The following TRHDE variants were observed in gnomAD, a reference collection of about 807,000 sequenced individuals.
TRHDE encodes thyrotropin-releasing hormone-degrading ectoenzyme.
TRHDE carries 72 observed loss-of-function variants against 125.7 expected under a neutral mutation model. The observed-to-expected ratio is 0.57, with a 90% CI of 0.47 to 0.70. The LOEUF is 0.70. Among genes scored for constraint, TRHDE ranks in the 30% least tolerant of loss-of-function variants. TRHDE has a pLI of 0.00. For synonymous variants in TRHDE, 509 were observed against 509.1 expected (o/e 1.00, Z 0.00); for missense variants, 1,110 against 1,327.1 (o/e 0.84, Z 2.54).
chr12:72,221,450 T>C (rs1877998519), intron 2 of TRHDE, among the ~76,000 whole-genome samples: 1 of 152,018 alleles, frequency 6.6e-6, no homozygotes, highest in African/African-American at 2.4e-5. Flanking sequence ...ACCTTGAAAA[T>C]TGTTCTAAAA....
intron 3 of TRHDE, among the ~76,000 whole-genome samples, chr12:72,393,133 C>G (rs1481096937): frequency 3.3e-5 from 5 of 152,100 alleles, no homozygotes; most frequent in Non-Finnish European, 7.3e-5. Context: ...ATTTTACATT[C>G]TCACCCGAAG....
chr12:72,612,558 G>A (rs1565810004), intron 12 of TRHDE, among the ~76,000 whole-genome samples: 1 of 152,052 alleles, frequency 6.6e-6, no homozygotes, highest in East Asian at 1.9e-4. Flanking sequence ...CTTGGCAAGC[G>A]GCTTATTTTC....
intron 1 of TRHDE, among the ~76,000 whole-genome samples, chr12:72,094,390 G>T (rs959880374): frequency 2.0e-5 from 3 of 152,152 alleles, no homozygotes; most frequent in African/African-American, 7.2e-5. Context: ...TGCCTCTGGG[G>T]TTACTGATGA....
chr12:72,536,443 C>T (rs570536699), intron 6 of TRHDE, among the ~76,000 whole-genome samples: 1 of 152,248 alleles, frequency 6.6e-6, no homozygotes, highest in South Asian at 2.1e-4. Flanking sequence ...TTGATAGTTT[C>T]AGACTTTAGC....
chr12:72,150,249 G>C (rs983381666), intron 2 of TRHDE, among the ~76,000 whole-genome samples: 4 of 152,062 alleles, frequency 2.6e-5, no homozygotes, highest in African/African-American at 9.7e-5. Flanking sequence ...AACTAGTGTG[G>C]TCAAAAAAGG....
intron 5 of TRHDE, among the ~76,000 whole-genome samples, chr12:72,480,837 C>A (rs539663084): frequency 6.6e-6 from 1 of 152,118 alleles, no homozygotes; most frequent in South Asian, 2.1e-4. Flanking sequence ...ATTGATAATG[C>A]CAAAAATTAT....
At chr12:72,264,029 T>A (rs1276499927) in intron 2 of TRHDE, 1 of 152,014 alleles carries the variant, frequency 6.6e-6, no homozygotes, top group East Asian at 1.9e-4. Context: ...TAAATGCGAT[T>A]TAAAAATTTA....
chr12:72,608,944 C>G (rs1872545586), intron 12 of TRHDE, among the ~76,000 whole-genome samples: 1 of 152,052 alleles, frequency 6.6e-6, no homozygotes, highest in Admixed American at 6.6e-5. Flanking sequence ...CTTTTTTGAG[C>G]CTCAATTTTG....
chr12:72,191,435 A>G (rs1022517002), intron 2 of TRHDE, among the ~76,000 whole-genome samples: 1 of 152,170 alleles, frequency 6.6e-6, no homozygotes, highest in African/African-American at 2.4e-5. Context: ...AATCCCCTGT[A>G]AAAATTTCCA....
Position 72,664,780 on chromosome 12 carries a change from AC to A in TRHDE, c.*1586del, listed in dbSNP as rs1875052710. The A allele has an allele frequency of 6.6e-6, 1 of 152,110 alleles. No individual in the cohort carries two copies. Among genetic ancestry groups the A allele is most frequent in the African/African-American group, 2.4e-5 (1 of 41,450 alleles). The allele number at this position is 152,110 out of a possible 1,614,324, so 9.4% of individuals were successfully genotyped here. ...CGCACTGAATAGTGAAAATAATTAG[AC>A]ATTTTAAGAACCAGAGCCATAGAAT... On this transcript the variant is annotated 3_prime_UTR_variant, in exon 19 of 19. Coordinates refer to ENST00000261180, the MANE Select transcript of TRHDE (RefSeq NM_013381.3).
Position 72,499,492 on chromosome 12 carries a change from T to C in TRHDE, c.1585-6T>C. On this transcript the variant is annotated splice_polypyrimidine_tract_variant and splice_region_variant and intron_variant, in intron 5 of 18. Coordinates refer to ENST00000261180, the MANE Select transcript of TRHDE (RefSeq NM_013381.3). ...CTATGATATTGCCCCGTCTGCTGTA[T>C]TGCAGGAAAAGCAGAGGTTTCTGAC... 9 of 1,613,462 alleles carry C rather than the reference T, an allele frequency of 5.6e-6. No individual in the cohort carries two copies. Among genetic ancestry groups the C allele is most frequent in the Non-Finnish European group, 7.6e-6 (9 of 1,179,654 alleles).
chr12:72,268,831 T>C (rs896727810), upstream of TRHDE, among the ~76,000 whole-genome samples: 7 of 152,250 alleles, frequency 4.6e-5, no homozygotes, highest in African/African-American at 1.7e-4. Flanking sequence ...CAATTTTTAC[T>C]TTTACAAGCC....
intron 15 of TRHDE, among the ~76,000 whole-genome samples, chr12:72,645,796 A>G (rs753855893): frequency 1.3e-5 from 2 of 152,178 alleles, no homozygotes; most frequent in Non-Finnish European, 2.9e-5. Context: ...TGCAAGCTAG[A>G]AGGAAGTGGG....
chr12:72,188,925 A>T (rs1877283605), intron 2 of TRHDE, among the ~76,000 whole-genome samples: 1 of 152,146 alleles, frequency 6.6e-6, no homozygotes, highest in Admixed American at 6.5e-5. Flanking sequence ...TGCTTACCCC[A>T]TGAGGGTCAG....
chr12:72,284,642 A>G (rs1879813894), intron 1 of TRHDE, among the ~76,000 whole-genome samples: 1 of 152,228 alleles, frequency 6.6e-6, no homozygotes, highest in Non-Finnish European at 1.5e-5. Flanking sequence ...ATTATGGCTA[A>G]AAATTAATTT....
intron 3 of TRHDE, among the ~76,000 whole-genome samples, chr12:72,435,566 G>GA (rs367591114): frequency 8.0e-5 from 12 of 149,200 alleles, no homozygotes; most frequent in Admixed American, 1.3e-4. Flanking sequence ...TATTTTTATT[G>GA]AAAAAAAATC....
chr12:72,520,116 G>C (rs1298635834), intron 6 of TRHDE, among the ~76,000 whole-genome samples: 2 of 152,350 alleles, frequency 1.3e-5, no homozygotes, highest in East Asian at 3.9e-4. Flanking sequence ...CCTGCCCCCA[G>C]AGGTGGAGCC....
Position 72,469,806 on chromosome 12 carries a change from G to A in TRHDE, c.1364G>A (p.Gly455Glu), listed in dbSNP as rs1362911378. 1 of 1,613,998 alleles carries A rather than the reference G, an allele frequency of 6.2e-7. No homozygotes were observed. Among genetic ancestry groups the A allele is most frequent in the Non-Finnish European group, 8.5e-7 (1 of 1,179,946 alleles). The change falls in exon 4 of 19, where the codon GGA (glycine) becomes GAA (glutamate). Residue 455 changes from glycine (G) to glutamate (E), a missense_variant. Gly to Glu is a moderately conservative substitution (Grantham distance 98). Coordinates refer to ENST00000261180, the MANE Select transcript of TRHDE (RefSeq NM_013381.3). ...CCGTATGCTGCTATGGAGAACTGGG[G>A]ACTAAGTATTTTTGTGGAACAAAGA... ...KHPYAAMENW[G>E]LSIFVEQRIL...
intron 2 of TRHDE, among the ~76,000 whole-genome samples, chr12:72,127,928 C>T (rs1176277996): frequency 6.6e-6 from 1 of 151,908 alleles, no homozygotes; most frequent in Non-Finnish European, 1.5e-5. Flanking sequence ...TCCTGGAAGA[C>T]TCCCTGAGTG....
Sources: gnomAD v4.1 joint callset for allele counts (sites outside exome capture counted in the v4.1 genomes callset) on GRCh38, gnomAD v4.1.1 for gene constraint, MANE v1.5 for transcripts, NCBI Gene and HGNC (gene_info 2026-07-23, HGNC 2026-07-21) for gene names.